The following INPP5A variants were observed in gnomAD, a reference collection of about 807,000 sequenced individuals.
INPP5A encodes the protein inositol polyphosphate-5-phosphatase A, also known as 43 kDa inositol polyphosphate 5-phophatase.
In INPP5A, 14 loss-of-function variants were observed where a neutral mutation model predicts 65.2. The observed-to-expected ratio is 0.21, with a 90% CI of 0.14 to 0.34. The LOEUF is 0.34. Among genes scored for constraint, INPP5A ranks in the 10% least tolerant of loss-of-function variants. The pLI, the probability that INPP5A is intolerant of heterozygous loss-of-function variation, is 1.00. For missense variants in INPP5A, 431 were observed against 545.6 expected (o/e 0.79, Z 2.09); for synonymous variants, 207 against 208.3 (o/e 0.99, Z 0.05).
chr10:132,549,440 G>T lies in INPP5A; in HGVS notation c.75+11269G>T, dbSNP rs1402290821. ...ATCTTGCGGTTTAACTTGCATTTCT[G>T]GTCCTACTTCCAAATAATAATTCCC... On this transcript the variant is annotated intron_variant, in intron 1 of 15. Coordinates refer to ENST00000368594, the MANE Select transcript of INPP5A (RefSeq NM_005539.5). This position sits in a 1 kb window ranked among gnomAD's most constrained non-coding sequence, Gnocchi z 4.9. Among the ~76,000 whole-genome samples the T allele has an allele frequency of 6.6e-6, 1 of 152,178 alleles. No homozygotes were observed. The highest frequency in any genetic ancestry group is 1.5e-5 in the Non-Finnish European group (1 of 68,016).
intron 5 of INPP5A, among the ~76,000 whole-genome samples, chr10:132,690,957 G>A (rs1845249214): frequency 6.6e-6 from 1 of 152,126 alleles, no homozygotes; most frequent in Admixed American, 6.5e-5. Context: ...TGGGGCTTCC[G>A]TGCGTGCTCC....
rs545576780 is a variant in INPP5A, at chr10:132,714,631, G to A, written c.647+4175G>A. ...GGGAGGGCAGGTCCCAGCCCTGGAG[G>A]AGGATGCAGGCCAGGTTAAAACCCA... On this transcript the variant is annotated intron_variant, in intron 8 of 15. Coordinates refer to ENST00000368594, the MANE Select transcript of INPP5A (RefSeq NM_005539.5). Among the ~76,000 whole-genome samples the A allele has an allele frequency of 5.7e-3, 862 of 152,336 alleles. 3 individuals are homozygous for A. Among genetic ancestry groups the A allele is most frequent in the Non-Finnish European group, 9.1e-3 (617 of 68,030 alleles).
At chr10:132,739,713 C>T (rs1846240068) in intron 9 of INPP5A, among the ~76,000 whole-genome samples, 1 of 152,212 alleles carries the variant, frequency 6.6e-6, no homozygotes, top group Middle Eastern at 3.2e-3. Flanking sequence ...GAGTCTGGAG[C>T]CTCCGGGAGT....
intron 1 of INPP5A, among the ~76,000 whole-genome samples, chr10:132,584,696 C>T (rs1175518077): frequency 6.6e-6 from 1 of 152,014 alleles, no homozygotes; most frequent in African/African-American, 2.4e-5. Context: ...TATTTAAGAA[C>T]TAAAAAAAAT....
At chr10:132,773,234 C>T (rs1229917865) in intron 12 of INPP5A, among the ~76,000 whole-genome samples, 1 of 152,318 alleles carries the variant, frequency 6.6e-6, no homozygotes, top group East Asian at 1.9e-4. Context: ...CCCGTCAAAA[C>T]GTTTCAAAGT....
chr10:132,722,620 C>T (rs12249958), intron 8 of INPP5A, among the ~76,000 whole-genome samples: 3,603 of 152,232 alleles, frequency 0.024, 130 homozygotes, highest in African/African-American at 0.081. Context: ...CTTTAATCTG[C>T]GGTGTCGTGA....
At chr10:132,667,143 G>A (rs934614999) in intron 4 of INPP5A, among the ~76,000 whole-genome samples, 5 of 152,182 alleles carry the variant, frequency 3.3e-5, no homozygotes, top group Non-Finnish European at 5.9e-5. Context: ...ATGTAATGAT[G>A]TGCTTGTCTA....
At chr10:132,599,471 C>T (rs951248854) in intron 1 of INPP5A, among the ~76,000 whole-genome samples, 3 of 152,252 alleles carry the variant, frequency 2.0e-5, no homozygotes, top group Admixed American at 6.5e-5. Context: ...TCCGCCCCTG[C>T]GGTTCTGCAT....
intron 2 of INPP5A, among the ~76,000 whole-genome samples, chr10:132,614,105 C>T (rs1053021564): frequency 1.4e-4 from 22 of 152,156 alleles, no homozygotes; most frequent in Non-Finnish European, 2.9e-4. Context: ...CCACGGCTTT[C>T]GAAGATTAGG....
chr10:132,597,360 G>A lies in INPP5A; in HGVS notation c.76-10555G>A, dbSNP rs150555196. ...TCTGTCAGCTCATCCACAAGGACTC[G>A]GGCCATCTCCCCTGTTCCTGCAGGT... On this transcript the variant is annotated intron_variant, in intron 1 of 15. Coordinates refer to ENST00000368594, the MANE Select transcript of INPP5A (RefSeq NM_005539.5). Among the ~76,000 whole-genome samples the A allele has an allele frequency of 4.4e-3, 669 of 152,292 alleles. 1 individual carries two copies. Among genetic ancestry groups the A allele is most frequent in the Middle Eastern group, 0.01 (3 of 294 alleles).
intron 2 of INPP5A, among the ~76,000 whole-genome samples, chr10:132,631,316 C>T (rs1207367847): frequency 2.6e-5 from 4 of 152,160 alleles, no homozygotes; most frequent in Non-Finnish European, 5.9e-5. Context: ...TGGTCACAAA[C>T]AGGCCTCTTT....
chr10:132,722,089 C>G (rs1845895223), intron 8 of INPP5A, among the ~76,000 whole-genome samples: 1 of 152,152 alleles, frequency 6.6e-6, no homozygotes, highest in African/African-American at 2.4e-5. Context: ...AAGCGATTAA[C>G]TAAAATATTC....
intron 1 of INPP5A, among the ~76,000 whole-genome samples, 187 bp from the exon 2 acceptor site, chr10:132,607,724 AGCCC>A (rs1429302403): frequency 6.6e-6 from 1 of 152,028 alleles, no homozygotes; most frequent in African/African-American, 2.4e-5. Flanking sequence ...CACAGAGCGG[AGCCC>A]CCACACAGAG....
intron 11 of INPP5A, among the ~76,000 whole-genome samples, chr10:132,763,295 G>A (rs185322086): frequency 1.0e-3 from 154 of 152,320 alleles, no homozygotes; most frequent in African/African-American, 3.4e-3. Flanking sequence ...GCCAAGAACC[G>A]CATGGCACCT....
chr10:132,635,646 C>T (rs912124959), intron 2 of INPP5A, among the ~76,000 whole-genome samples: 3 of 151,806 alleles, frequency 2.0e-5, no homozygotes, highest in Non-Finnish European at 4.4e-5. Flanking sequence ...CCGCCCTCCT[C>T]AGCCTCCCAA....
chr10:132,756,761 G>T (rs987453254), intron 11 of INPP5A, among the ~76,000 whole-genome samples: 14 of 152,238 alleles, frequency 9.2e-5, no homozygotes, highest in African/African-American at 2.9e-4. Flanking sequence ...CCTCAGGCAG[G>T]TCCTTCAGGC....
At chr10:132,681,256 A>C (rs986826945) in intron 4 of INPP5A, among the ~76,000 whole-genome samples, 7 of 151,266 alleles carry the variant, frequency 4.6e-5, no homozygotes, top group Non-Finnish European at 1.0e-4. Flanking sequence ...ACTAAAAGCA[A>C]GCTGCCCGAG....
chr10:132,625,480 G>C (rs1440865065), intron 2 of INPP5A, among the ~76,000 whole-genome samples: 1 of 152,184 alleles, frequency 6.6e-6, no homozygotes, highest in East Asian at 1.9e-4. Flanking sequence ...TGAGCTGGGA[G>C]GTGCAGGAAA....
In INPP5A at chr10:132,771,831, G is replaced by GACA. The variant is rs57885703; in HGVS notation, c.978-5840_978-5839insACA. ...CAGGCAGCCGCCCCGTGAAGAGTGG[G>GACA]GCACTCAGCACTGACACGGAGGCCA... On this transcript the variant is annotated intron_variant, in intron 12 of 15. Transcript: ENST00000368594. Among the ~76,000 whole-genome samples, 30 of 123,318 alleles carry GACA rather than the reference G, an allele frequency of 2.4e-4. 1 individual carries two copies. Among genetic ancestry groups the GACA allele is most frequent in the South Asian group, 5.7e-4 (2 of 3,518 alleles). 80.9% of individuals were successfully genotyped at this position (123,318 alleles called of 152,430 possible).
Sources: gnomAD v4.1 joint callset for allele counts (sites outside exome capture counted in the v4.1 genomes callset) on GRCh38, gnomAD v4.1.1 for gene constraint, Gnocchi (gnomAD v3.1) non-coding constraint, MANE v1.5 for transcripts, NCBI Gene and HGNC (gene_info 2026-07-23, HGNC 2026-07-21) for gene names.